The following RPSA2 variants were observed in gnomAD, a reference collection of about 807,000 sequenced individuals.
RPSA2 encodes ribosomal protein SA 2, also known as small ribosomal subunit protein uS2B.
the RPSA2 span, among the ~76,000 whole-genome samples, chr19:23,800,567 T>C: frequency 6.6e-6 from 1 of 152,142 alleles, no homozygotes; most frequent in Non-Finnish European, 1.5e-5. Context: ...TTGGTATCTA[T>C]AGTCCTCCAC....
the RPSA2 span, chr19:23,758,747 C>T: frequency 6.2e-7 from 1 of 1,614,116 alleles, no homozygotes; most frequent in Non-Finnish European, 8.5e-7. Context: ...ACATTCTCAC[C>T]ATTTCTAGGT....
chr19:23,869,794 C>T, the RPSA2 span, among the ~76,000 whole-genome samples: 2 of 152,070 alleles, frequency 1.3e-5, no homozygotes, highest in South Asian at 2.1e-4. Context: ...CGGTAGTATC[C>T]GGGTAGGAAC....
At chr19:23,861,824 A>C in the RPSA2 span, among the ~76,000 whole-genome samples, 1 of 152,152 alleles carries the variant, frequency 6.6e-6, no homozygotes, top group East Asian at 1.9e-4. Context: ...CTGAGTTGAC[A>C]CACTTATATT....
chr19:23,759,393 T>C, the RPSA2 span, among the ~76,000 whole-genome samples: 1 of 151,796 alleles, frequency 6.6e-6, no homozygotes, highest in Non-Finnish European at 1.5e-5. Context: ...GTGGGGATTG[T>C]AGATCCAGGG....
At chr19:23,828,045 C>G in the RPSA2 span, 1 of 628,370 alleles carries the variant, frequency 1.6e-6, no homozygotes, top group Non-Finnish European at 2.8e-6. Context: ...ACTGACTGGT[C>G]TTAAGCTGTT....
the RPSA2 span, among the ~76,000 whole-genome samples, chr19:23,837,322 T>A: frequency 2.6e-5 from 4 of 152,204 alleles, no homozygotes; most frequent in East Asian, 3.9e-4. Flanking sequence ...CTGGGTTCTC[T>A]GTTCCATTGG....
chr19:23,763,666 G>A, the RPSA2 span, among the ~76,000 whole-genome samples: 1 of 152,098 alleles, frequency 6.6e-6, no homozygotes. Flanking sequence ...AAGTGGTTTC[G>A]CCATGGCGGA....
the RPSA2 span, among the ~76,000 whole-genome samples, chr19:23,791,259 G>T: frequency 6.6e-6 from 1 of 152,102 alleles, no homozygotes; most frequent in Non-Finnish European, 1.5e-5. Context: ...TCTCGGCCCC[G>T]TAAGTGCTGG....
chr19:23,852,023 G>T, the RPSA2 span, among the ~76,000 whole-genome samples: 1 of 152,108 alleles, frequency 6.6e-6, no homozygotes, highest in Admixed American at 6.5e-5. Flanking sequence ...GAATGAGGAA[G>T]AAAACACCAC....
chr19:23,864,266 AAACTC>A, the RPSA2 span, among the ~76,000 whole-genome samples: 1 of 152,224 alleles, frequency 6.6e-6, no homozygotes, highest in Non-Finnish European at 1.5e-5. Flanking sequence ...TCTCTGAAGT[AAACTC>A]AAATTACTTC....
the RPSA2 span, among the ~76,000 whole-genome samples, chr19:23,816,110 T>G: frequency 2.6e-5 from 4 of 152,084 alleles, no homozygotes; most frequent in African/African-American, 9.7e-5. Context: ...TTATTTTTTC[T>G]TTTTATAATT....
the RPSA2 span, among the ~76,000 whole-genome samples, chr19:23,761,931 T>TCTCTCTCTCTCTCTCTCTCTTTCTC: frequency 9.7e-5 from 6 of 61,718 alleles, no homozygotes; most frequent in African/African-American, 3.7e-4. Flanking sequence ...TTTTTTTTTT[T>TCTCTCTCTCTCTCTCTCTCTTTCTC]TTTTGAGATG....
chr19:23,856,769 G>A, the RPSA2 span, among the ~76,000 whole-genome samples: 1 of 152,116 alleles, frequency 6.6e-6, no homozygotes, highest in Non-Finnish European at 1.5e-5. Flanking sequence ...GGACCATGAT[G>A]CCCACCTGAG....
chr19:23,866,947 A>G, the RPSA2 span, among the ~76,000 whole-genome samples: 1 of 152,148 alleles, frequency 6.6e-6, no homozygotes, highest in Non-Finnish European at 1.5e-5. Context: ...TTAAGGAGAA[A>G]TTCAAATAGT....
chr19:23,857,840 A>C, the RPSA2 span, among the ~76,000 whole-genome samples: 8 of 151,902 alleles, frequency 5.3e-5, 1 homozygote, highest in South Asian at 1.0e-3. Flanking sequence ...TTTTTTTCTT[A>C]GAGTACTGAA....
chr19:23,784,626 T>A, the RPSA2 span, among the ~76,000 whole-genome samples: 1 of 152,126 alleles, frequency 6.6e-6, no homozygotes, highest in African/African-American at 2.4e-5. Flanking sequence ...ACACAGATAA[T>A]GTCGTAGGAG....
chr19:23,836,356 A>AAC, the RPSA2 span, among the ~76,000 whole-genome samples: 67 of 151,592 alleles, frequency 4.4e-4, no homozygotes, highest in African/African-American at 1.0e-3. Context: ...GTAGTATTCC[A>AAC]ACACACACAC....
the RPSA2 span, among the ~76,000 whole-genome samples, chr19:23,862,996 C>A: frequency 4.6e-5 from 7 of 151,604 alleles, no homozygotes; most frequent in African/African-American, 1.2e-4. Context: ...CTCCACCTCC[C>A]AATGAATAAA....
the RPSA2 span, among the ~76,000 whole-genome samples, chr19:23,858,970 G>A: frequency 6.6e-6 from 1 of 152,122 alleles, no homozygotes; most frequent in Non-Finnish European, 1.5e-5. Context: ...CCACTTGGGT[G>A]CCCCACTCTT....
Sources: gnomAD v4.1 joint callset for allele counts (sites outside exome capture counted in the v4.1 genomes callset) on GRCh38, gnomAD v4.1.1 for gene constraint, MANE v1.5 for transcripts, NCBI Gene and HGNC (gene_info 2026-07-23, HGNC 2026-07-21) for gene names.